CPAP: variants seen among roughly 807,000 people sequenced by gnomAD.
The protein encoded by CPAP is centrosome assembly and centriole elongation protein, also known as centrosomal P4.1-associated protein.
chr13:24,920,023 C>G, the CPAP span, among the ~76,000 whole-genome samples: 1 of 151,886 alleles, frequency 6.6e-6, no homozygotes, highest in Admixed American at 6.5e-5. Flanking sequence ...CCTCCTGCTT[C>G]GGCCTCCCAA....
chr13:24,905,845 G>A, the CPAP span: 1 of 1,614,094 alleles, frequency 6.2e-7, no homozygotes, highest in Non-Finnish European at 8.5e-7. Flanking sequence ...AGACTTGTGG[G>A]CTATCCTCTC....
At chr13:24,885,681 A>G in the CPAP span, 2 of 1,602,088 alleles carry the variant, frequency 1.2e-6, no homozygotes, top group Admixed American at 1.7e-5. Flanking sequence ...CTATTAGAAT[A>G]AAATTGTCAA....
the CPAP span, chr13:24,912,608 C>CT: frequency 6.2e-7 from 1 of 1,613,382 alleles, no homozygotes; most frequent in African/African-American, 1.3e-5. Flanking sequence ...AAAAGTGGGT[C>CT]TTTATAAGCC....
chr13:24,929,348 T>C, the CPAP span, among the ~76,000 whole-genome samples: 5 of 152,226 alleles, frequency 3.3e-5, no homozygotes, highest in Admixed American at 2.0e-4. Flanking sequence ...AGGAATGAGT[T>C]ACTGCGCCTG....
chr13:24,883,859 T>C, the CPAP span: 1 of 1,270,066 alleles, frequency 7.9e-7, no homozygotes. Flanking sequence ...CCCCCTAATA[T>C]GGGTGTCACA....
the CPAP span, among the ~76,000 whole-genome samples, chr13:24,898,951 TAGA>T: frequency 6.6e-6 from 1 of 152,254 alleles, no homozygotes; most frequent in Non-Finnish European, 1.5e-5. Context: ...TATTTTTTTC[TAGA>T]AGGTTTATAG....
At chr13:24,911,885 G>A in the CPAP span, 2 of 1,602,024 alleles carry the variant, frequency 1.2e-6, no homozygotes, top group Admixed American at 1.7e-5. Context: ...GAAATAACGT[G>A]TCAAACAACT....
the CPAP span, among the ~76,000 whole-genome samples, chr13:24,923,404 C>A: frequency 6.6e-6 from 1 of 151,830 alleles, no homozygotes; most frequent in Non-Finnish European, 1.5e-5. Flanking sequence ...TATGAGAATT[C>A]ACTCCAAAAA....
At chr13:24,895,637 A>C in the CPAP span, among the ~76,000 whole-genome samples, 1 of 152,250 alleles carries the variant, frequency 6.6e-6, no homozygotes, top group Non-Finnish European at 1.5e-5. Flanking sequence ...AAACAGTCTT[A>C]AATAACCCGT....
the CPAP span, among the ~76,000 whole-genome samples, chr13:24,889,593 G>A: frequency 6.8e-6 from 1 of 147,354 alleles, no homozygotes; most frequent in African/African-American, 2.5e-5. Context: ...ACACACGCAC[G>A]CGCGCCCCTT....
chr13:24,894,081 G>A, the CPAP span, among the ~76,000 whole-genome samples: 1 of 152,170 alleles, frequency 6.6e-6, no homozygotes, highest in Non-Finnish European at 1.5e-5. Context: ...GCCTGGCACA[G>A]TGCCAGCACT....
At chr13:24,916,603 C>T in the CPAP span, among the ~76,000 whole-genome samples, 2 of 152,194 alleles carry the variant, frequency 1.3e-5, no homozygotes, top group South Asian at 4.1e-4. Flanking sequence ...CACCATTCAA[C>T]TTGAAGAAAC....
At chr13:24,906,207 G>A in the CPAP span, 1 of 1,612,404 alleles carries the variant, frequency 6.2e-7, no homozygotes, top group African/African-American at 1.3e-5. Context: ...GACATCCGGT[G>A]ACCTTTGCAG....
chr13:24,905,638 A>G, the CPAP span: 1 of 1,614,230 alleles, frequency 6.2e-7, no homozygotes, highest in Non-Finnish European at 8.5e-7. Flanking sequence ...CTTCAAGGTC[A>G]GTCCAAGTTC....
At chr13:24,906,641 T>C in the CPAP span, 1 of 1,614,242 alleles carries the variant, frequency 6.2e-7, no homozygotes, top group Non-Finnish European at 8.5e-7. Flanking sequence ...AGAAAGACTT[T>C]TCCTGTTACT....
At chr13:24,906,266 G>A in the CPAP span, 1 of 1,601,828 alleles carries the variant, frequency 6.2e-7, no homozygotes, top group Non-Finnish European at 8.5e-7. Context: ...GGAATTACTA[G>A]AAAATGATAT....
At chr13:24,883,820 A>G in the CPAP span, 1 of 876,108 alleles carries the variant, frequency 1.1e-6, no homozygotes, top group East Asian at 2.4e-5. Context: ...GTTGACTGAC[A>G]TGCCTGTGGG....
chr13:24,910,993 G>T, the CPAP span, among the ~76,000 whole-genome samples: 4 of 152,056 alleles, frequency 2.6e-5, no homozygotes, highest in Non-Finnish European at 4.4e-5. Flanking sequence ...TCAATGCCCA[G>T]CATAATCTCT....
At chr13:24,883,340 T>G in the CPAP span, 1 of 1,613,328 alleles carries the variant, frequency 6.2e-7, no homozygotes, top group Non-Finnish European at 8.5e-7. Context: ...TCTTTGGCCA[T>G]TATTAAACTC....
Sources: gnomAD v4.1 joint callset for allele counts (sites outside exome capture counted in the v4.1 genomes callset) on GRCh38, gnomAD v4.1.1 for gene constraint, MANE v1.5 for transcripts, NCBI Gene and HGNC (gene_info 2026-07-23, HGNC 2026-07-21) for gene names.